CACNA1A: variants seen among roughly 807,000 people sequenced by gnomAD.
The protein encoded by CACNA1A is voltage-dependent P/Q-type calcium channel subunit alpha-1A.
CACNA1A carries 57 observed loss-of-function variants against 262.4 expected under a neutral mutation model. The ratio of observed to expected loss-of-function variants is 0.22; its 90% CI spans 0.18 to 0.27. The LOEUF (loss-of-function observed/expected upper bound fraction) is 0.27. Among genes scored for constraint, CACNA1A ranks in the 10% least tolerant of loss-of-function variants. The pLI is 1.00. For missense variants in CACNA1A, 2,526 were observed against 3,562.8 expected (o/e 0.71, Z 7.41); for synonymous variants, 1,431 against 1,419.3 (o/e 1.01, Z -0.18).
chr19:13,248,613 C>T (rs554464846), intron 30 of CACNA1A, among the ~76,000 whole-genome samples: 14 of 151,942 alleles, frequency 9.2e-5, no homozygotes, highest in South Asian at 8.3e-4. Flanking sequence ...GAGGCCGAGG[C>T]AGGCGGATCA....
chr19:13,262,853 T>C lies in CACNA1A; in HGVS notation c.3990-20A>G, dbSNP rs758293101. The C allele has an allele frequency of 3.5e-5, 55 of 1,554,180 alleles. No individual in the cohort carries two copies. The South Asian group carries it at 5.9e-4, about 17-fold the overall frequency. ...TTGCCACTGTGGAGGAATGTTTAGG[T>C]GGGAAGAAGGGAAGAGAGGAAGCAG... is the stretch of plus-strand genomic sequence containing the variant. On this transcript the variant is annotated intron_variant, in intron 24 of 46. Coordinates refer to ENST00000360228, the MANE Select transcript of CACNA1A (RefSeq NM_001127222.2).
intron 6 of CACNA1A, among the ~76,000 whole-genome samples, chr19:13,354,869 CTTTTT>C (rs56350383): frequency 2.6e-5 from 3 of 115,100 alleles, no homozygotes; most frequent in Non-Finnish European, 5.0e-5. Context: ...TTTTCTTTTT[CTTTTT>C]TTTTTTTTTT....
chr19:13,365,717 GA>G (rs1478732170), intron 4 of CACNA1A: 9 of 375,408 alleles, frequency 2.4e-5, no homozygotes, highest in Non-Finnish European at 2.9e-5. Context: ...GCCCAGGCTG[GA>G]GTGCAGTGGC....
Position 13,462,941 on chromosome 19 carries a change from G to A in CACNA1A, c.294-7729C>T, listed in dbSNP as rs1404812830. On this transcript the variant is annotated intron_variant, in intron 1 of 46. Coordinates refer to ENST00000360228, the MANE Select transcript of CACNA1A (RefSeq NM_001127222.2). ...CACCTGGCTAACTTTTAACATTTTT[G>A]TAGAGATGAGGGTCTCACCATGTTG... 2.0e-5 allele frequency among the ~76,000 whole-genome samples: 3 copies of A among 152,000 alleles called. No individual in the cohort carries two copies. The East Asian group carries it at 5.8e-4, about 29-fold the overall frequency.
intron 3 of CACNA1A, among the ~76,000 whole-genome samples, chr19:13,426,215 T>C (rs2060400083): frequency 6.6e-6 from 1 of 152,232 alleles, no homozygotes; most frequent in Non-Finnish European, 1.5e-5. Flanking sequence ...ACTTAAGTTA[T>C]TGGACACTGA....
Position 13,506,298 on chromosome 19 carries a change from CGCTGAT to C in CACNA1A, c.-80_-75del. ...AAGACGCCGCCGCCGCCGCCGCCGC[CGCTGAT>C]GCTGAGGCTGCCGGGGCTGGGAGCG... On this transcript the variant is annotated 5_prime_UTR_variant, in exon 1 of 47. Coordinates refer to ENST00000360228, the MANE Select transcript of CACNA1A (RefSeq NM_001127222.2). 1 of 1,286,754 alleles carries C rather than the reference CGCTGAT, an allele frequency of 7.8e-7. No homozygotes were observed. The highest frequency in any genetic ancestry group is 2.8e-4 in the Middle Eastern group (1 of 3,580). The allele number at this position is 1,286,754 out of a possible 1,614,324, so 79.7% of individuals were successfully genotyped here.
At chr19:13,297,743 G>A (rs1363358175) in intron 19 of CACNA1A, among the ~76,000 whole-genome samples, 1 of 152,110 alleles carries the variant, frequency 6.6e-6, no homozygotes, top group African/African-American at 2.4e-5. Flanking sequence ...AGCCCGGGAG[G>A]TAGAGGCTGC....
chr19:13,300,739 CA>C, intron 17 of CACNA1A, 83 bp from the exon 18 acceptor site: 1 of 1,083,576 alleles, frequency 9.2e-7, no homozygotes, highest in East Asian at 2.3e-5. Context: ...TGACCAGGGG[CA>C]ACATTTGAAA....
intron 3 of CACNA1A, among the ~76,000 whole-genome samples, chr19:13,398,686 G>A (rs993573796): frequency 6.6e-6 from 1 of 152,238 alleles, no homozygotes; most frequent in Non-Finnish European, 1.5e-5. Flanking sequence ...CAATTGCCAA[G>A]CCTCAGTTTC....
intron 4 of CACNA1A, 108 bp from the exon 5 acceptor site, chr19:13,365,577 G>T: frequency 1.1e-6 from 1 of 938,312 alleles, no homozygotes; most frequent in Non-Finnish European, 1.6e-6. Context: ...GTTCCTGAGG[G>T]AACATTAAGC....
chr19:13,387,483 G>C (rs901750954), intron 3 of CACNA1A, among the ~76,000 whole-genome samples: 3 of 152,086 alleles, frequency 2.0e-5, no homozygotes, highest in Admixed American at 2.0e-4. Context: ...TGGTGCCTGC[G>C]TGCTACGTCT....
At chr19:13,273,798 G>A (rs576275898) in intron 24 of CACNA1A, 1 of 151,992 alleles carries the variant, frequency 6.6e-6, no homozygotes, top group East Asian at 1.9e-4. Flanking sequence ...CCAGACTGGG[G>A]TGCAGTGGTG....
At chr19:13,342,825 T>C (rs1167217840) in intron 6 of CACNA1A, among the ~76,000 whole-genome samples, 1 of 152,216 alleles carries the variant, frequency 6.6e-6, no homozygotes, top group East Asian at 1.9e-4. Context: ...ACATGTAGCA[T>C]GAGCAGGAAA....
At chr19:13,395,611 C>CA (rs1301255413) in intron 3 of CACNA1A, among the ~76,000 whole-genome samples, 106 of 118,958 alleles carry the variant, frequency 8.9e-4, no homozygotes, top group South Asian at 6.1e-3. Context: ...GACTCTGTCT[C>CA]AAAAAAAAGA....
intron 1 of CACNA1A, among the ~76,000 whole-genome samples, chr19:13,501,715 T>C (rs1599387686): frequency 6.6e-6 from 1 of 152,296 alleles, no homozygotes; most frequent in East Asian, 1.9e-4. Context: ...AGTCAGGAGC[T>C]GAAGCAGCAC....
At position 13,236,843 on chromosome 19, in the gene CACNA1A, AG is replaced by A. The variant is rs1283713179; in HGVS notation, c.4951-1114del. On this transcript the variant is annotated intron_variant, in intron 31 of 46. Coordinates refer to ENST00000360228, the MANE Select transcript of CACNA1A (RefSeq NM_001127222.2). The surrounding 1 kb of genome is among the most constrained non-coding windows in gnomAD (Gnocchi z 4.6). ...CAGGGGGCCAGAGAGTTGGAGAGTC[AG>A]GGAGGAGACCAGCTAGAGTTAAGTG... is the stretch of plus-strand genomic sequence containing the variant. Among the ~76,000 whole-genome samples the A allele has an allele frequency of 6.6e-6, 1 of 152,050 alleles. No homozygotes were observed. The highest frequency in any genetic ancestry group is 2.4e-5 in the African/African-American group (1 of 41,424).
chr19:13,287,604 C>A (rs1005416180), intron 19 of CACNA1A, among the ~76,000 whole-genome samples: 1 of 151,948 alleles, frequency 6.6e-6, no homozygotes, highest in Non-Finnish European at 1.5e-5. Flanking sequence ...CAGGTTCAAG[C>A]GATTCTCTTG....
rs185412095 is a variant in CACNA1A at position 13,431,625 on chromosome 19, T to C, written c.539+21251A>G. ...AGCCAAGATGCAGGTACAACCCAAA[T>C]GTCCATCAGTAAAGGAATGGATGAA... On this transcript the variant is annotated intron_variant, in intron 3 of 46. Coordinates refer to ENST00000360228, the MANE Select transcript of CACNA1A (RefSeq NM_001127222.2). 5.4e-4 allele frequency among the ~76,000 whole-genome samples: 82 copies of C among 152,142 alleles called. 2 individuals are homozygous for C. Among genetic ancestry groups the C allele is most frequent in the Admixed American group, 5.1e-3 (78 of 15,278 alleles).
At chr19:13,229,325 GCTT>G (rs1466762097) in intron 36 of CACNA1A, among the ~76,000 whole-genome samples, 1 of 152,154 alleles carries the variant, frequency 6.6e-6, no homozygotes, top group East Asian at 1.9e-4. Flanking sequence ...CCCCAGTAAT[GCTT>G]CTTCAGGCCC....
Sources: gnomAD v4.1 joint callset for allele counts (sites outside exome capture counted in the v4.1 genomes callset) on GRCh38, gnomAD v4.1.1 for gene constraint, Gnocchi (gnomAD v3.1) non-coding constraint, MANE v1.5 for transcripts, NCBI Gene and HGNC (gene_info 2026-07-23, HGNC 2026-07-21) for gene names.